Variants in PZP observed in about 807,000 individuals in gnomAD.
The protein encoded by PZP is pregnancy zone protein.
A neutral mutation model predicts 179.8 loss-of-function variants in PZP; 150 were observed. That is an observed-to-expected ratio of 0.83 (90% CI 0.73 to 0.96). The LOEUF is 0.96. Ranked by LOEUF, PZP falls within the 40% of genes least tolerant of loss-of-function variation. The pLI, the probability that PZP is intolerant of heterozygous loss-of-function variation, is 0.00. For synonymous variants in PZP, 624 were observed against 652.3 expected (o/e 0.96, Z 0.66); for missense variants, 1,689 against 1,764.0 (o/e 0.96, Z 0.76).
chr12:9,164,309 C>T, intron 19 of PZP, 50 bp from the exon 20 acceptor site: 2 of 1,578,540 alleles, frequency 1.3e-6, no homozygotes, highest in Non-Finnish European at 1.7e-6. Flanking sequence ...TATGGAACGA[C>T]ACGAACACAT....
intron 1 of PZP, among the ~76,000 whole-genome samples, chr12:9,206,204 A>T (rs929883696): frequency 6.6e-6 from 1 of 151,860 alleles, no homozygotes; most frequent in East Asian, 1.9e-4. Context: ...TTACATCCCC[A>T]TCAAAAAATT....
chr12:9,207,194 C>T lies in PZP; in HGVS notation c.83+1065G>A, dbSNP rs143186811. Among the ~76,000 whole-genome samples the T allele has an allele frequency of 2.5e-3, 375 of 152,318 alleles. 7 individuals carry two copies. Among genetic ancestry groups the T allele is most frequent in the African/African-American group, 8.6e-3 (359 of 41,578 alleles). ...CACAGAGCAGAGGGACCCCTTATCC[C>T]TTTCCCGATTTGGGACTCTGAAGAC... On this transcript the variant is annotated intron_variant, in intron 1 of 35. Coordinates refer to ENST00000261336, the MANE Select transcript of PZP (RefSeq NM_002864.3).
rs1440219270 is a variant in PZP at position 9,186,338 on chromosome 12, G to T, written c.1547-4221C>A. 2.0e-5 allele frequency among the ~76,000 whole-genome samples: 3 copies of T among 152,168 alleles called. No homozygotes were observed. The East Asian group carries it at 5.8e-4, about 29-fold the overall frequency. On this transcript the variant is annotated intron_variant, in intron 13 of 35. Transcript: ENST00000261336. Reference sequence around the variant, plus strand: ...GTACACAGACCAGTGACACTATAGAGCAGTTACACAAACAAGTTGACAAAC... The same window carrying T: ...GTACACAGACCAGTGACACTATAGATCAGTTACACAAACAAGTTGACAAAC...
Position 9,153,239 on chromosome 12 carries a change from A to C in PZP, c.3879T>G (p.Ser1293=). 6.2e-7 allele frequency: 1 copy of C among 1,614,172 alleles called. No individual in the cohort carries two copies. The highest frequency in any genetic ancestry group is 8.5e-7 in the Non-Finnish European group (1 of 1,180,008). The change falls in exon 30 of 36, where the codon TCT becomes TCG. Residue 1293 remains serine (S), a synonymous_variant. Coordinates refer to ENST00000261336, the MANE Select transcript of PZP (RefSeq NM_002864.3). ...TGTTGTTGTCTACTTGGAAATTTGT[A>C]GAAAAGGTCTGTGAATCCTGAACGG... The part of the protein sequence containing the change: ...QVTVQDSQTF[S]TNFQVDNNNL...
chr12:9,138,972 T>G, the PZP span, among the ~76,000 whole-genome samples: 1 of 151,972 alleles, frequency 6.6e-6, no homozygotes, highest in African/African-American at 2.4e-5. Flanking sequence ...CTCTGCTAAT[T>G]TTGAGCTTAG....
rs1233228212 is a variant in PZP, at chr12:9,169,525, C to T, written c.1906G>A (p.Glu636Lys). 8 of 1,612,916 alleles carry T rather than the reference C, an allele frequency of 5.0e-6. No individual in the cohort carries two copies. The African/African-American group carries it at 5.3e-5, about 11-fold the overall frequency. ...AAAGGACGGGGACAGTGTCCTTGTT[C>T]TTCCTCCTGCTGGTCCACATTGTCA... is the stretch of plus-strand genomic sequence containing the variant. The part of the protein sequence containing the change: ...FPDNVDQQEE[E>K]QGHCPRPFFI... Residue 636 changes from glutamate (E) to lysine (K), a missense_variant, in exon 16 of 36, where the codon GAA becomes AAA. Glu to Lys is a moderately conservative substitution (Grantham distance 56). This residue lies in a region of PZP where 201 missense variants were observed against 284.2 expected (regional missense o/e 0.71). Transcript: ENST00000261336.
the PZP span, among the ~76,000 whole-genome samples, chr12:9,137,943 A>G: frequency 6.6e-6 from 1 of 152,148 alleles, no homozygotes; most frequent in Non-Finnish European, 1.5e-5. Context: ...TTTTTAATAC[A>G]TAATATAATG....
In PZP at chr12:9,158,563, C is replaced by T. The variant is rs367946255; in HGVS notation, c.3151G>A (p.Val1051Ile). The change falls in exon 26 of 36, where the codon GTA becomes ATA. Residue 1051 changes from valine (V) to isoleucine (I), a missense_variant. By Grantham distance (29) the Val-to-Ile change is conservative. Coordinates refer to ENST00000261336, the MANE Select transcript of PZP (RefSeq NM_002864.3). The stretch of plus-strand genomic sequence containing the variant: ...CGAGCCTGGGCGAAAGTCTTCAGTA[C>T]AAAAGCTGTGAGCCTAGGGGGAGGA... Reference protein sequence around the residue: ...NQGNTWLTAFVLKTFAQARSY... With the variant: ...NQGNTWLTAFILKTFAQARSY... The T allele has an allele frequency of 8.1e-6, 13 of 1,614,028 alleles. No homozygotes were observed. Among genetic ancestry groups the T allele is most frequent in the Non-Finnish European group, 1.0e-5 (12 of 1,179,970 alleles).
intron 10 of PZP, among the ~76,000 whole-genome samples, chr12:9,195,156 G>A (rs765650903): frequency 4.6e-5 from 7 of 151,984 alleles, no homozygotes; most frequent in African/African-American, 7.2e-5. Flanking sequence ...ATGCTGATTG[G>A]ATCTTCAAAA....
chr12:9,176,336 A>G (rs1477463687), intron 15 of PZP, among the ~76,000 whole-genome samples: 1 of 152,142 alleles, frequency 6.6e-6, no homozygotes, highest in Non-Finnish European at 1.5e-5. Flanking sequence ...AAGAAGAATA[A>G]CTAATGGATG....
chr12:9,160,964 C>T (rs968598144), intron 23 of PZP, 69 bp downstream of exon 23: 2 of 1,247,080 alleles, frequency 1.6e-6, no homozygotes, highest in African/African-American at 3.0e-5. Flanking sequence ...AATTCAAATA[C>T]AAATACGTAG....
intron 15 of PZP, among the ~76,000 whole-genome samples, chr12:9,173,699 C>A (rs1158385742): frequency 1.3e-5 from 2 of 152,132 alleles, no homozygotes; most frequent in East Asian, 1.9e-4. Context: ...ACTATAAACA[C>A]CTCTGTCTAT....
downstream of PZP, among the ~76,000 whole-genome samples, chr12:9,145,351 TG>T (rs1435684206): frequency 6.6e-6 from 1 of 152,112 alleles, no homozygotes; most frequent in Non-Finnish European, 1.5e-5. Flanking sequence ...ATAGACTTTT[TG>T]GGGTTACCTT....
At chr12:9,194,604 A>C (rs1943654383) in intron 10 of PZP, among the ~76,000 whole-genome samples, 2 of 151,752 alleles carry the variant, frequency 1.3e-5, no homozygotes, top group Admixed American at 1.3e-4. Context: ...AGCTGGGACT[A>C]CAGGCGCCCG....
In PZP at chr12:9,154,693, C is replaced by G. The variant is rs775194905; in HGVS notation, c.3697G>C (p.Asp1233His). 3 of 1,614,026 alleles carry G rather than the reference C, an allele frequency of 1.9e-6. No homozygotes were observed. Among genetic ancestry groups the G allele is most frequent in the Non-Finnish European group, 2.5e-6 (3 of 1,180,048 alleles). The part of the protein sequence containing the change: ...LTAQPAPTSG[D>H]LTSATNIVKW... The stretch of plus-strand genomic sequence containing the variant: ...ACAATGTTAGTTGCAGAGGTCAGGT[C>G]CCCTGAGGTGGGGGCTGGCTGGGCC... Residue 1233 changes from aspartate to histidine, a missense_variant, in exon 29 of 36, where the codon GAC becomes CAC. Around this residue, in one of 3 missense-constraint regions of PZP, gnomAD observed 746 missense variants for 749.2 expected, o/e 1.00. Transcript: ENST00000261336.
At chr12:9,139,851 T>C in the PZP span, among the ~76,000 whole-genome samples, 1 of 69,528 alleles carries the variant, frequency 1.4e-5, no homozygotes, top group South Asian at 5.1e-4. Context: ...TTCTGACCAA[T>C]TTTTGGTCAG....
At position 9,208,280 on chromosome 12, in the gene PZP, C is replaced by T; in HGVS notation, c.62G>A (p.Ser21Asn). ...LVLLLILLSASDSNSTEPQYM... is the reference protein window; with the variant it reads ...LVLLLILLSANDSNSTEPQYM... ...TTACGGTTCTGTAGAGTTTGAGTCACTGGCAGAAAGCAGGATAAGAAGTAG... is the reference window on the plus strand; with the variant it reads ...TTACGGTTCTGTAGAGTTTGAGTCATTGGCAGAAAGCAGGATAAGAAGTAG... The change falls in exon 1 of 36, where the codon AGT becomes AAT. Residue 21 changes from serine (S) to asparagine (N), a missense_variant. Transcript: ENST00000261336. The T allele has an allele frequency of 6.2e-7, 1 of 1,613,620 alleles. No homozygotes were observed. The highest frequency in any genetic ancestry group is 8.5e-7 in the Non-Finnish European group (1 of 1,179,582).
chr12:9,149,053 A>T, intron 35 of PZP, 59 bp from the exon 36 acceptor site: 1 of 1,478,520 alleles, frequency 6.8e-7, no homozygotes, highest in Admixed American at 1.7e-5. Flanking sequence ...CATTCAGTTG[A>T]GTGTGGGCAG....
chr12:9,191,196 A>T (rs1407328603), intron 13 of PZP, among the ~76,000 whole-genome samples: 1 of 152,164 alleles, frequency 6.6e-6, no homozygotes, highest in African/African-American at 2.4e-5. Context: ...TTGGAATATT[A>T]TAAAAGAAAA....
Sources: allele counts gnomAD v4.1 joint callset (sites outside exome capture counted in the v4.1 genomes callset), GRCh38; gene constraint gnomAD v4.1.1; regional missense constraint gnomAD v4.1.1; transcripts MANE v1.5; gene names NCBI Gene and HGNC (gene_info 2026-07-23, HGNC 2026-07-21).